CFAP20DC: variants seen among roughly 807,000 people sequenced by gnomAD.
CFAP20DC encodes the protein CFAP20 domain containing, also known as protein CFAP20DC.
In CFAP20DC, 84 loss-of-function variants were observed where a neutral mutation model predicts 101.7. That is an observed-to-expected ratio of 0.83 (90% confidence interval 0.69 to 0.99). The LOEUF (loss-of-function observed/expected upper bound fraction) is 0.99. Among genes scored for constraint, CFAP20DC ranks in the 50% least tolerant of loss-of-function variants. CFAP20DC has a pLI of 0.00. For synonymous variants in CFAP20DC, 359 were observed against 351.2 expected (o/e 1.02, Z -0.25); for missense variants, 1,007 against 970.3 (o/e 1.04, Z -0.50).
chr3:59,007,688 G>A lies in CFAP20DC; in HGVS notation c.278+31869C>T, dbSNP rs2093470165. ...AGACCTGACGACAGATCACATCACA[G>A]GACTCTTTGCAGACATTCCCCAGCA... On this transcript the variant is annotated intron_variant, in intron 4 of 16. Coordinates refer to ENST00000482387, the MANE Select transcript of CFAP20DC (RefSeq NM_001394063.1). The surrounding 1 kb of genome is among the most constrained non-coding windows in gnomAD (Gnocchi z 4.4). Among the ~76,000 whole-genome samples, 1 of 152,178 alleles carries A rather than the reference G, an allele frequency of 6.6e-6. No individual in the cohort carries two copies. Among genetic ancestry groups the A allele is most frequent in the African/African-American group, 2.4e-5 (1 of 41,442 alleles).
At chr3:58,941,896 C>G (rs1207736529) in intron 4 of CFAP20DC, among the ~76,000 whole-genome samples, 2 of 152,132 alleles carry the variant, frequency 1.3e-5, no homozygotes, top group Non-Finnish European at 2.9e-5. Flanking sequence ...TGGCTAGGGC[C>G]TTCAGCACAT....
intron 4 of CFAP20DC, among the ~76,000 whole-genome samples, chr3:58,963,868 T>A (rs968573317): frequency 1.3e-5 from 2 of 152,096 alleles, no homozygotes; most frequent in African/African-American, 4.8e-5. Context: ...CAGACACACC[T>A]CACTATAACC....
intron 12 of CFAP20DC, among the ~76,000 whole-genome samples, chr3:58,854,640 A>G (rs1277261486): frequency 6.6e-6 from 1 of 152,062 alleles, no homozygotes; most frequent in Admixed American, 6.5e-5. Context: ...AAACAGAGAT[A>G]TAGATCAATG....
intron 4 of CFAP20DC, among the ~76,000 whole-genome samples, chr3:58,945,996 A>G (rs2089302607): frequency 1.3e-5 from 2 of 150,420 alleles, no homozygotes; most frequent in African/African-American, 2.4e-5. Flanking sequence ...CGACCAGCCC[A>G]AAGTCACTTT....
intron 12 of CFAP20DC, among the ~76,000 whole-genome samples, chr3:58,858,663 T>C (rs1419379098): frequency 1.3e-5 from 2 of 152,192 alleles, no homozygotes; most frequent in African/African-American, 2.4e-5. Flanking sequence ...AAAAATCTTA[T>C]GTAAAAGTCT....
chr3:58,944,509 C>T lies in CFAP20DC; in HGVS notation c.279-6747G>A, dbSNP rs940225519. Among the ~76,000 whole-genome samples, 5 of 152,068 alleles carry T rather than the reference C, an allele frequency of 3.3e-5. No homozygotes were observed. The South Asian group carries it at 6.2e-4, about 19-fold the overall frequency. ...CCATTTCTGTCATGCAACACTATGC[C>T]GACTACTATTCCAGGCTGAAGCAGT... On this transcript the variant is annotated intron_variant, in intron 4 of 16. Transcript: ENST00000482387.
downstream of CFAP20DC, among the ~76,000 whole-genome samples, chr3:58,717,038 C>T (rs2067408464): frequency 6.6e-6 from 1 of 151,876 alleles, no homozygotes; most frequent in Non-Finnish European, 1.5e-5. The surrounding 1 kb of genome is among the most constrained non-coding windows in gnomAD (Gnocchi z 4.1). Flanking sequence ...GAATTTTAGT[C>T]AGCTATTCCC....
chr3:58,826,882 T>G (rs2076075910), intron 14 of CFAP20DC, among the ~76,000 whole-genome samples: 1 of 152,022 alleles, frequency 6.6e-6, no homozygotes, highest in Admixed American at 6.5e-5. Context: ...GGGAAGCGAA[T>G]AATTCTGTTC....
chr3:58,716,658 T>C (rs2067403642), downstream of CFAP20DC, among the ~76,000 whole-genome samples: 1 of 152,122 alleles, frequency 6.6e-6, no homozygotes, highest in Non-Finnish European at 1.5e-5. Flanking sequence ...GATTCTCCTA[T>C]GGGGGTCTGC....
At chr3:58,845,022 G>A (rs1427291436) in intron 13 of CFAP20DC, among the ~76,000 whole-genome samples, 1 of 129,458 alleles carries the variant, frequency 7.7e-6, no homozygotes, top group Admixed American at 7.7e-5. Flanking sequence ...AGTGTGTAGA[G>A]GGAAATTTAT....
chr3:58,797,277 G>A (rs965666821), intron 15 of CFAP20DC, among the ~76,000 whole-genome samples: 1 of 152,150 alleles, frequency 6.6e-6, no homozygotes, highest in Non-Finnish European at 1.5e-5. Flanking sequence ...AAGGAAATTC[G>A]AAGTACTTAC....
chr3:58,967,024 A>G (rs964477119), intron 4 of CFAP20DC, among the ~76,000 whole-genome samples: 2 of 152,152 alleles, frequency 1.3e-5, no homozygotes, highest in African/African-American at 4.8e-5. Flanking sequence ...GCTGATTCTA[A>G]AATATGGAAA....
At chr3:58,798,768 C>A (rs2073444333) in intron 15 of CFAP20DC, among the ~76,000 whole-genome samples, 1 of 152,212 alleles carries the variant, frequency 6.6e-6, no homozygotes, top group African/African-American at 2.4e-5. Context: ...CCTTCAGCAA[C>A]AACCAGTCTG....
intron 12 of CFAP20DC, among the ~76,000 whole-genome samples, chr3:58,858,300 A>C (rs543159443): frequency 9.3e-4 from 142 of 152,308 alleles, no homozygotes; most frequent in Non-Finnish European, 1.6e-3. Context: ...ACATCAATAG[A>C]GTTTGCCTGA....
At chr3:58,784,478 C>T (rs915054035) in intron 15 of CFAP20DC, among the ~76,000 whole-genome samples, 2 of 152,076 alleles carry the variant, frequency 1.3e-5, no homozygotes, top group Middle Eastern at 6.8e-3. Flanking sequence ...ATGCAATATA[C>T]CCACGTAACA....
intron 4 of CFAP20DC, among the ~76,000 whole-genome samples, chr3:59,030,009 A>G (rs1467237115): frequency 6.6e-6 from 1 of 152,224 alleles, no homozygotes; most frequent in Non-Finnish European, 1.5e-5. Flanking sequence ...TGGGAGACAT[A>G]GAAAGATGCT....
intron 15 of CFAP20DC, among the ~76,000 whole-genome samples, chr3:58,754,410 C>T (rs149895070): frequency 1.3e-5 from 2 of 152,192 alleles, no homozygotes; most frequent in East Asian, 1.9e-4. Flanking sequence ...ACTTTCCTTC[C>T]TACTGCACTC....
In CFAP20DC at chr3:58,861,175, AG is replaced by A. The variant is rs1010962890; in HGVS notation, c.1593+2382del. ...CTAATAATATGATTTGATTTTGCCT[AG>A]TTTATATGTTACTAAATACATCTCA... is the stretch of plus-strand genomic sequence containing the variant. On this transcript the variant is annotated intron_variant, in intron 12 of 16. Transcript: ENST00000482387. The surrounding 1 kb of genome is among the most constrained non-coding windows in gnomAD (Gnocchi z 4.0). The A allele has an allele frequency of 5.3e-6, 1 of 189,312 alleles. No individual in the cohort carries two copies. Among genetic ancestry groups the A allele is most frequent in the Non-Finnish European group, 9.8e-6 (1 of 101,934 alleles). The allele number at this position is 189,312 out of a possible 1,614,324, so 11.7% of individuals were successfully genotyped here.
chr3:58,933,279 T>C (rs1674897958), intron 5 of CFAP20DC, among the ~76,000 whole-genome samples: 2 of 151,858 alleles, frequency 1.3e-5, no homozygotes, highest in Non-Finnish European at 2.9e-5. Context: ...AAGCAAGTCC[T>C]GAGTGACCTA....
Sources: allele counts gnomAD v4.1 joint callset (sites outside exome capture counted in the v4.1 genomes callset), GRCh38; gene constraint gnomAD v4.1.1; non-coding constraint Gnocchi (gnomAD v3.1); transcripts MANE v1.5; gene names NCBI Gene and HGNC (gene_info 2026-07-23, HGNC 2026-07-21).